Variants in DHX30 observed in about 807,000 individuals in gnomAD.
The protein encoded by DHX30 is DExH-box helicase 30.
DHX30 carries 4 observed loss-of-function variants against 116.9 expected under a neutral mutation model. The observed-to-expected ratio is 0.03, with a 90% CI of 0.02 to 0.08. DHX30 has a LOEUF of 0.08. Ranked by LOEUF, DHX30 falls within the 10% of genes least tolerant of loss-of-function variation. DHX30 has a pLI of 1.00. For synonymous variants in DHX30, 697 were observed against 651.7 expected (o/e 1.07, Z -1.06); for missense variants, 871 against 1,595.1 (o/e 0.55, Z 7.73).
chr3:47,849,811 G>C (rs773632123), intron 21 of DHX30, 42 bp downstream of exon 21: 1 of 1,607,926 alleles, frequency 6.2e-7, no homozygotes, highest in Admixed American at 1.7e-5. Flanking sequence ...CTCTGCAGCT[G>C]CTCCTCCGGG....
chr3:47,825,003 C>T, intron 4 of DHX30: 1 of 589,036 alleles, frequency 1.7e-6, no homozygotes, highest in South Asian at 1.9e-5. Context: ...TCGCCCGGTC[C>T]CTGCCGCGCA....
chr3:47,839,358 G>A (rs1376807137), intron 6 of DHX30, among the ~76,000 whole-genome samples: 4 of 143,080 alleles, frequency 2.8e-5, no homozygotes, highest in East Asian at 4.2e-4. Context: ...GCAATGGTGC[G>A]ATCTCAGCTC....
At chr3:47,843,908 CG>C (rs2037489469) in intron 9 of DHX30, among the ~76,000 whole-genome samples, 1 of 152,214 alleles carries the variant, frequency 6.6e-6, no homozygotes, top group African/African-American at 2.4e-5. Context: ...CACTGTGTTG[CG>C]AAGACTGGTC....
At chr3:47,815,878 ACT>A (rs1353567734) in intron 3 of DHX30, 27 of 958,548 alleles carry the variant, frequency 2.8e-5, no homozygotes, top group Non-Finnish European at 3.2e-5. Context: ...GATTGTAACA[ACT>A]CTCTCCCAAT....
At chr3:47,836,463 T>A (rs2037122392) in intron 6 of DHX30, among the ~76,000 whole-genome samples, 1 of 151,866 alleles carries the variant, frequency 6.6e-6, no homozygotes. Context: ...AAGCAGGTCA[T>A]TATCACATTT....
chr3:47,849,051 G>A lies in DHX30; in HGVS notation c.2901G>A (p.Leu967=). The A allele has an allele frequency of 6.2e-7, 1 of 1,612,412 alleles. No homozygotes were observed. The highest frequency in any genetic ancestry group is 8.5e-7 in the Non-Finnish European group (1 of 1,179,030). ...AGAATTACCTGGAGGAAAACCTGCT[G>A]TACGCACCCAGCCTGCGCTTCATCC... is the stretch of plus-strand genomic sequence containing the variant. The part of the protein sequence containing the change: ...SRENYLEENL[L]YAPSLRFIHG... The change falls in exon 18 of 22, where the codon CTG becomes CTA. Residue 967 remains leucine, a synonymous_variant. Coordinates refer to ENST00000445061, the MANE Select transcript of DHX30 (RefSeq NM_138615.3).
chr3:47,807,322 A>G (rs1003609884), intron 2 of DHX30, among the ~76,000 whole-genome samples: 2 of 152,156 alleles, frequency 1.3e-5, no homozygotes, highest in African/African-American at 4.8e-5. Context: ...CTTGATTCTC[A>G]TAGTATCGTT....
chr3:47,831,924 C>CTTTTTTTTTTTTTTTTTTTTTTTTT (rs1448275730), intron 6 of DHX30, among the ~76,000 whole-genome samples: 2 of 120,380 alleles, frequency 1.7e-5, no homozygotes, highest in Non-Finnish European at 3.4e-5. Context: ...AGGCCTTTTC[C>CTTTTTTTTTTTTTTTTTTTTTTTTT]TTTTTCTTTT....
At position 47,848,868 on chromosome 3, in the gene DHX30, G is replaced by T; in HGVS notation, c.2769+51G>T. On this transcript the variant is annotated intron_variant, in intron 17 of 21. Coordinates refer to ENST00000445061, the MANE Select transcript of DHX30 (RefSeq NM_138615.3). This position sits in a 1 kb window ranked among gnomAD's most constrained non-coding sequence, Gnocchi z 9.4. Reference sequence around the variant, plus strand: ...CGTCCACCCACTGCTGTTCTGAGGGGGCGTTGTCTAGCCCCTGCCTGTGAT... The same window carrying T: ...CGTCCACCCACTGCTGTTCTGAGGGTGCGTTGTCTAGCCCCTGCCTGTGAT... 1.9e-6 allele frequency: 3 copies of T among 1,598,200 alleles called. No individual in the cohort carries two copies. The highest frequency in any genetic ancestry group is 2.6e-6 in the Non-Finnish European group (3 of 1,168,004).
At chr3:47,825,917 A>C (rs1416007708) in intron 4 of DHX30, 1 of 151,792 alleles carries the variant, frequency 6.6e-6, no homozygotes, top group Non-Finnish European at 1.5e-5. Flanking sequence ...GTTGCTTTAC[A>C]AGTTACCGCT....
chr3:47,843,761 C>T (rs1369825349), intron 9 of DHX30, among the ~76,000 whole-genome samples: 1 of 152,126 alleles, frequency 6.6e-6, no homozygotes, highest in African/African-American at 2.4e-5. Flanking sequence ...TATAGTGGCA[C>T]GATCATGGCT....
intron 2 of DHX30, among the ~76,000 whole-genome samples, chr3:47,809,234 CTTTTTTTTTTTTTTT>C (rs71070231): frequency 1.6e-5 from 1 of 63,502 alleles, no homozygotes; most frequent in Admixed American, 2.8e-4. Context: ...AATGTAACTT[CTTTTTTTTTTTTTTT>C]TTTTTTTTTT....
intron 8 of DHX30, 44 bp from the exon 9 acceptor site, chr3:47,843,062 C>T (rs1173219476): frequency 1.2e-6 from 2 of 1,607,476 alleles, no homozygotes; most frequent in South Asian, 2.2e-5. Context: ...AGTCTCTTCC[C>T]ATTCCCTACA....
At chr3:47,825,358 T>TA (rs775962550) in intron 4 of DHX30, 186 of 528,192 alleles carry the variant, frequency 3.5e-4, no homozygotes, top group Non-Finnish European at 5.1e-4. Flanking sequence ...CTCTCTTCCA[T>TA]AGTGGCCAAG....
chr3:47,845,705 G>A lies in DHX30; in HGVS notation c.945G>A (p.Leu315=). ...TCTTGCATGTCCCCCTGCAGAGCCT[G>A]GGCCTGGTGGACAGGAACAACGAAC... ...AALACKKLKS[L]GLVDRNNEPL... The change falls in exon 10 of 22, where the codon CTG becomes CTA. Residue 315 remains leucine (L), a synonymous_variant. Coordinates refer to ENST00000445061, the MANE Select transcript of DHX30 (RefSeq NM_138615.3). The A allele has an allele frequency of 6.3e-7, 1 of 1,599,314 alleles. No homozygotes were observed. The highest frequency in any genetic ancestry group is 8.6e-7 in the Non-Finnish European group (1 of 1,168,436).
At chr3:47,817,949 G>A (rs1354412848) in intron 3 of DHX30, 73 bp from the exon 4 acceptor site, 10 of 780,346 alleles carry the variant, frequency 1.3e-5, no homozygotes, top group South Asian at 4.0e-5. Flanking sequence ...GATGCTCTGA[G>A]TGAGTCAGTT....
rs1037483229 is a variant in DHX30 at position 47,848,176 on chromosome 3, C to G, written c.2287-4C>G. 1.5e-5 allele frequency: 25 copies of G among 1,613,498 alleles called. No homozygotes were observed. Among genetic ancestry groups the G allele is most frequent in the Non-Finnish European group, 2.0e-5 (24 of 1,179,968 alleles). On this transcript the variant is annotated splice_polypyrimidine_tract_variant and splice_region_variant and intron_variant, in intron 14 of 21. Transcript: ENST00000445061. This position sits in a 1 kb window ranked among gnomAD's most constrained non-coding sequence, Gnocchi z 9.4. ...GTGTGCTGCTTACTTGCCACCTCCTCCAGGTGTCCTGCCTGGAGACAGTGT... is the reference window on the plus strand; with the variant it reads ...GTGTGCTGCTTACTTGCCACCTCCTGCAGGTGTCCTGCCTGGAGACAGTGT...
intron 2 of DHX30, among the ~76,000 whole-genome samples, chr3:47,807,283 C>G (rs1401023621): frequency 2.6e-5 from 4 of 152,122 alleles, no homozygotes; most frequent in Non-Finnish European, 5.9e-5. Flanking sequence ...TTCTAGAGCT[C>G]TGTAAATTCT....
At chr3:47,821,178 A>C (rs112519927) in intron 4 of DHX30, among the ~76,000 whole-genome samples, 1 of 151,732 alleles carries the variant, frequency 6.6e-6, no homozygotes, top group African/African-American at 2.4e-5. Flanking sequence ...CTGGTCTCCA[A>C]CTCCTGGGCT....
Sources: gnomAD v4.1 joint callset for allele counts (sites outside exome capture counted in the v4.1 genomes callset) on GRCh38, gnomAD v4.1.1 for gene constraint, Gnocchi (gnomAD v3.1) non-coding constraint, MANE v1.5 for transcripts, NCBI Gene and HGNC (gene_info 2026-07-23, HGNC 2026-07-21) for gene names.